The following DISC1 variants were observed in gnomAD, a reference collection of about 807,000 sequenced individuals.
DISC1 encodes the protein DISC1 scaffold protein.
DISC1 carries 57 observed loss-of-function variants against 84.5 expected under a neutral mutation model. The observed-to-expected ratio is 0.67, with a 90% CI of 0.55 to 0.84. DISC1 has a LOEUF of 0.84. Ranked by LOEUF, DISC1 falls within the 40% of genes least tolerant of loss-of-function variation. The probability of loss-of-function intolerance (pLI) is 0.00; values close to 1 mark genes in which losing one functional copy is unlikely to be tolerated. For missense variants in DISC1, 1,000 were observed against 1,057.8 expected (o/e 0.95, Z 0.76); for synonymous variants, 411 against 415.2 (o/e 0.99, Z 0.12).
intron 9 of DISC1, among the ~76,000 whole-genome samples, chr1:231,834,758 T>TG (rs1427229620): frequency 3.3e-5 from 5 of 151,306 alleles, no homozygotes; most frequent in Admixed American, 6.6e-5. Context: ...AGAGAAGGGA[T>TG]GGGGGGTTCT....
At chr1:231,771,101 C>G (rs16854940) in intron 6 of DISC1, 31 bp downstream of exon 6, 1 of 1,542,472 alleles carries the variant, frequency 6.5e-7, no homozygotes, top group Non-Finnish European at 8.8e-7. Flanking sequence ...GATTTTGGGT[C>G]GCTCGCCTCT....
chr1:231,983,988 C>A (rs1425169432), intron 10 of DISC1, among the ~76,000 whole-genome samples: 1 of 152,130 alleles, frequency 6.6e-6, no homozygotes, highest in African/African-American at 2.4e-5. Flanking sequence ...AAAACTGAGG[C>A]TGAGGGAGGT....
intron 9 of DISC1, among the ~76,000 whole-genome samples, chr1:231,879,280 T>C (rs1054289238): frequency 1.3e-5 from 2 of 152,034 alleles, no homozygotes; most frequent in Non-Finnish European, 2.9e-5. Flanking sequence ...TACTATGAGC[T>C]ACTTGTTGAT....
At chr1:231,935,112 G>A (rs2090900244) in intron 9 of DISC1, among the ~76,000 whole-genome samples, 1 of 152,188 alleles carries the variant, frequency 6.6e-6, no homozygotes, top group African/African-American at 2.4e-5. Context: ...GGATGATACA[G>A]TCTGCTCTCT....
intron 10 of DISC1, among the ~76,000 whole-genome samples, chr1:231,969,186 G>GTTTTTTTTTTTT (rs71573149): frequency 3.4e-4 from 31 of 91,674 alleles, no homozygotes; most frequent in South Asian, 9.7e-4. Flanking sequence ...ACACTCAGCG[G>GTTTTTTTTTTTT]TTTTTTTTTT....
At chr1:231,856,648 A>G (rs1197059368) in intron 9 of DISC1, among the ~76,000 whole-genome samples, 1 of 152,170 alleles carries the variant, frequency 6.6e-6, no homozygotes, top group East Asian at 1.9e-4. Context: ...GCCCTGCGTG[A>G]GCAGGTTGCA....
At chr1:231,903,281 A>G (rs976021888) in intron 9 of DISC1, among the ~76,000 whole-genome samples, 3 of 152,114 alleles carry the variant, frequency 2.0e-5, no homozygotes, top group African/African-American at 4.8e-5. Flanking sequence ...CCCCTAATCC[A>G]GTATGACCTC....
chr1:231,811,024 A>G (rs1361469297), intron 8 of DISC1, among the ~76,000 whole-genome samples: 6 of 152,126 alleles, frequency 3.9e-5, no homozygotes, highest in South Asian at 2.1e-4. Flanking sequence ...GTCCGATTGT[A>G]TATTTAGTCA....
chr1:231,840,450 A>G (rs777038499), intron 9 of DISC1, among the ~76,000 whole-genome samples: 4 of 152,226 alleles, frequency 2.6e-5, no homozygotes, highest in Admixed American at 1.3e-4. Context: ...GTACCTTCAC[A>G]TAGTGGAACA....
At chr1:231,715,446 G>C (rs2068558780) in intron 3 of DISC1, among the ~76,000 whole-genome samples, 1 of 152,168 alleles carries the variant, frequency 6.6e-6, no homozygotes, top group Admixed American at 6.5e-5. Flanking sequence ...TAGCTTGAAG[G>C]TGCCTCTTGC....
intron 6 of DISC1, among the ~76,000 whole-genome samples, chr1:231,779,852 C>T (rs945463974): frequency 1.3e-5 from 2 of 152,040 alleles, no homozygotes; most frequent in Non-Finnish European, 2.9e-5. Flanking sequence ...AGCCACCCTG[C>T]CGGCCTTGGT....
chr1:231,954,569 G>A lies in DISC1; in HGVS notation c.1982-4259G>A, dbSNP rs12084523. On this transcript the variant is annotated intron_variant, in intron 9 of 12. Coordinates refer to ENST00000439617, the MANE Select transcript of DISC1 (RefSeq NM_018662.3). The surrounding 1 kb of genome is among the most constrained non-coding windows in gnomAD (Gnocchi z 4.8). ...GCAGTCCTCTGGTCTTGTTTGTTTC[G>A]TAGCATTTCATTTTGTATTCAGCAT... Among the ~76,000 whole-genome samples, 20,061 of 152,072 alleles carry A rather than the reference G, an allele frequency of 0.13. 2,816 individuals carry two copies. Among genetic ancestry groups the A allele is most frequent in the East Asian group, 0.35 (1,784 of 5,158 alleles).
chr1:231,965,482 T>C (rs183415200), intron 10 of DISC1, among the ~76,000 whole-genome samples: 22 of 152,314 alleles, frequency 1.4e-4, no homozygotes, highest in African/African-American at 5.3e-4. Flanking sequence ...CATTAAATAA[T>C]CTCCTAACAG....
chr1:231,798,924 A>T (rs1269500611), intron 7 of DISC1, among the ~76,000 whole-genome samples: 2 of 152,182 alleles, frequency 1.3e-5, no homozygotes, highest in Non-Finnish European at 2.9e-5. Flanking sequence ...TGATATAAGA[A>T]AACATTTAAA....
chr1:232,005,823 C>T (rs552985082), intron 10 of DISC1, among the ~76,000 whole-genome samples: 4 of 152,008 alleles, frequency 2.6e-5, no homozygotes, highest in South Asian at 2.1e-4. Context: ...ACAGCAGATT[C>T]GAGACAGTAG....
intron 6 of DISC1, among the ~76,000 whole-genome samples, chr1:231,793,172 A>G (rs2078479512): frequency 6.6e-6 from 1 of 152,160 alleles, no homozygotes; most frequent in African/African-American, 2.4e-5. Context: ...AAATCAGCAA[A>G]TTGGCAGCTT....
chr1:231,837,787 G>C (rs2082730018), intron 9 of DISC1, among the ~76,000 whole-genome samples: 1 of 152,120 alleles, frequency 6.6e-6, no homozygotes. Flanking sequence ...AATCAAAGCA[G>C]GTAATTCCTG....
chr1:232,033,742 A>G (rs1418114960), intron 12 of DISC1, among the ~76,000 whole-genome samples: 1 of 152,192 alleles, frequency 6.6e-6, no homozygotes, highest in African/African-American at 2.4e-5. Context: ...ATTTCTCCCA[A>G]CTGCTTAACA....
At chr1:231,991,389 G>A (rs1285258189) in intron 10 of DISC1, among the ~76,000 whole-genome samples, 6 of 152,236 alleles carry the variant, frequency 3.9e-5, no homozygotes, top group South Asian at 2.1e-4. Flanking sequence ...GGCAATTTAC[G>A]AGGAGTGCTC....
Sources: allele counts gnomAD v4.1 joint callset (sites outside exome capture counted in the v4.1 genomes callset), GRCh38; gene constraint gnomAD v4.1.1; non-coding constraint Gnocchi (gnomAD v3.1); transcripts MANE v1.5; gene names NCBI Gene and HGNC (gene_info 2026-07-23, HGNC 2026-07-21).